Variants in ROR1 observed in about 807,000 individuals in gnomAD.
ROR1 encodes inactive tyrosine-protein kinase transmembrane receptor ROR1.
A neutral mutation model predicts 78.8 loss-of-function variants in ROR1; 19 were observed. The observed-to-expected ratio is 0.24, with a 90% CI of 0.17 to 0.35. The LOEUF is 0.35. Among genes scored for constraint, ROR1 ranks in the 10% least tolerant of loss-of-function variants. The pLI, the probability that ROR1 is intolerant of heterozygous loss-of-function variation, is 1.00. For missense variants in ROR1, 917 were observed against 1,177.8 expected, an observed-to-expected ratio of 0.78 and a Z score of 3.24; for synonymous variants, 386 against 433.6, an observed-to-expected ratio of 0.89 and a Z score of 1.36.
intron 1 of ROR1, chr1:63,788,790 GC>G: frequency 1.7e-6 from 1 of 582,528 alleles, no homozygotes; most frequent in South Asian, 1.5e-5. Flanking sequence ...ACTCTTTATG[GC>G]GCTTGCATGC....
At chr1:64,109,488 G>T (rs1032030628) in intron 4 of ROR1, among the ~76,000 whole-genome samples, 2 of 152,118 alleles carry the variant, frequency 1.3e-5, no homozygotes, top group Non-Finnish European at 2.9e-5. Context: ...CTGCACTTAT[G>T]ATGTGGTGCA....
intron 1 of ROR1, among the ~76,000 whole-genome samples, chr1:63,941,191 G>GA (rs1569946947): frequency 6.6e-6 from 1 of 152,062 alleles, no homozygotes; most frequent in African/African-American, 2.4e-5. Flanking sequence ...TGAAACAATT[G>GA]AAAAAACTGG....
intron 1 of ROR1, among the ~76,000 whole-genome samples, chr1:63,864,941 C>G (rs1352334833): frequency 6.6e-6 from 1 of 151,520 alleles, no homozygotes; most frequent in Non-Finnish European, 1.5e-5. Flanking sequence ...TATTACTCAT[C>G]CAATCTGTGA....
intron 1 of ROR1, among the ~76,000 whole-genome samples, chr1:63,855,344 C>G (rs917734279): frequency 6.6e-6 from 1 of 152,132 alleles, no homozygotes; most frequent in African/African-American, 2.4e-5. Context: ...GTTTTCCCAT[C>G]AAGATTGTAA....
At chr1:63,980,800 G>A (rs1646204195) in intron 1 of ROR1, among the ~76,000 whole-genome samples, 1 of 152,220 alleles carries the variant, frequency 6.6e-6, no homozygotes, top group Non-Finnish European at 1.5e-5. Context: ...GTCACACTGG[G>A]CCTGTGTAAA....
chr1:63,873,483 C>G (rs112845655), intron 1 of ROR1, among the ~76,000 whole-genome samples: 12 of 152,158 alleles, frequency 7.9e-5, no homozygotes, highest in African/African-American at 2.2e-4. Flanking sequence ...AGGCTGGAGT[C>G]TTATCCTGAC....
chr1:64,063,604 T>C (rs1252109010), intron 4 of ROR1, among the ~76,000 whole-genome samples: 1 of 151,098 alleles, frequency 6.6e-6, no homozygotes, highest in Non-Finnish European at 1.5e-5. Context: ...CATCTGTTGC[T>C]GTCCTCTCTA....
At position 64,088,291 on chromosome 1, in the gene ROR1, C is replaced by T. The variant is rs369870136; in HGVS notation, c.482+37575C>T. 8.7e-4 allele frequency among the ~76,000 whole-genome samples: 132 copies of T among 152,276 alleles called. 1 individual carries two copies. The highest frequency in any genetic ancestry group is 3.2e-3 in the African/African-American group (131 of 41,568). ...GCTATGTATGTCCAGAATAGCTCTT[C>T]TTACTTTTGAGGAGTAACTATTAGA... On this transcript the variant is annotated intron_variant, in intron 4 of 8. Transcript: ENST00000371079.
chr1:63,816,211 C>T (rs1192858886), intron 1 of ROR1, among the ~76,000 whole-genome samples: 1 of 152,144 alleles, frequency 6.6e-6, no homozygotes. Context: ...GGGCCTTCAA[C>T]TGGATTCAGG....
intron 4 of ROR1, among the ~76,000 whole-genome samples, chr1:64,063,560 C>T (rs887565960): frequency 6.6e-6 from 1 of 152,248 alleles, no homozygotes. Context: ...TTGCTCTCCT[C>T]TTTTTTAAAA....
rs1196636524 is a variant in ROR1 at position 64,128,316 on chromosome 1, AAAACT to A, written c.483-9051_483-9047del. On this transcript the variant is annotated intron_variant, in intron 4 of 8. Transcript: ENST00000371079. ...CAAAAAAAAAAAAAAAAAAAGTAAA[AAAACT>A]AGCCAAGCATGGTGGCACAAGCCTG... Among the ~76,000 whole-genome samples the A allele has an allele frequency of 3.3e-5, 5 of 151,588 alleles. No individual in the cohort carries two copies. The East Asian group carries it at 7.8e-4, about 24-fold the overall frequency.
At chr1:64,013,416 C>T (rs553734428) in intron 2 of ROR1, among the ~76,000 whole-genome samples, 1 of 152,270 alleles carries the variant, frequency 6.6e-6, no homozygotes, top group Non-Finnish European at 1.5e-5. Flanking sequence ...CTCCTGTCCC[C>T]ATACTCAATA....
chr1:64,071,984 A>G lies in ROR1; in HGVS notation c.482+21268A>G, dbSNP rs1333996015. ...CCGTGGTGCTTCCCTATGTTACACT[A>G]TGTTGTGGTCCATGGTTTAGTTCTC... On this transcript the variant is annotated intron_variant, in intron 4 of 8. Transcript: ENST00000371079. Among the ~76,000 whole-genome samples, 6 of 152,210 alleles carry G rather than the reference A, an allele frequency of 3.9e-5. No individual in the cohort carries two copies. In the East Asian group the frequency reaches 9.7e-4, roughly 25 times the overall value.
chr1:64,119,009 C>T (rs1648424232), intron 4 of ROR1, among the ~76,000 whole-genome samples: 1 of 152,222 alleles, frequency 6.6e-6, no homozygotes, highest in Non-Finnish European at 1.5e-5. Context: ...GACAGGTCAT[C>T]TCTGGCTGGC....
chr1:63,887,926 T>G (rs981353555), intron 1 of ROR1, among the ~76,000 whole-genome samples: 1 of 152,184 alleles, frequency 6.6e-6, no homozygotes, highest in Non-Finnish European at 1.5e-5. Flanking sequence ...AATGACACCT[T>G]GAGATGTGTA....
intron 1 of ROR1, among the ~76,000 whole-genome samples, chr1:63,958,941 A>G (rs1215318844): frequency 6.6e-6 from 1 of 152,218 alleles, no homozygotes; most frequent in African/African-American, 2.4e-5. Context: ...GCACAGTGCC[A>G]TCCTGAATAA....
intron 8 of ROR1, 102 bp downstream of exon 8, chr1:64,159,294 A>T: frequency 1.1e-6 from 1 of 883,940 alleles, no homozygotes; most frequent in Non-Finnish European, 1.8e-6. Context: ...ATGGAATCAG[A>T]GTTTTATAAG....
At chr1:63,794,514 G>T (rs554371699) in intron 1 of ROR1, among the ~76,000 whole-genome samples, 67 of 152,326 alleles carry the variant, frequency 4.4e-4, no homozygotes, top group African/African-American at 1.6e-3. Flanking sequence ...ACTGGTGGTG[G>T]CCTGCTGTGC....
chr1:63,873,575 C>G (rs4322259), intron 1 of ROR1, among the ~76,000 whole-genome samples: 60,630 of 151,854 alleles, frequency 0.4, 13,298 homozygotes, highest in African/African-American at 0.58. Context: ...GTCCATTGAT[C>G]AAGTCAAAAG....
Sources: gnomAD v4.1 joint callset for allele counts (sites outside exome capture counted in the v4.1 genomes callset) on GRCh38, gnomAD v4.1.1 for gene constraint, MANE v1.5 for transcripts, NCBI Gene and HGNC (gene_info 2026-07-23, HGNC 2026-07-21) for gene names.